Variants in STMN2 observed in about 807,000 individuals in gnomAD.
The protein encoded by STMN2 is stathmin-2.
Under a neutral mutation model 24.1 loss-of-function variants are expected in STMN2, and 2 were observed. The observed-to-expected ratio is 0.08, with a 90% CI of 0.03 to 0.26. The LOEUF is 0.26. STMN2 is among the 10% of genes least tolerant of loss of function. The pLI is 1.00. For synonymous variants in STMN2, 83 were observed against 77.5 expected, an observed-to-expected ratio of 1.07 and a Z score of -0.37; for missense variants, 114 against 213.6, an observed-to-expected ratio of 0.53 and a Z score of 2.91.
chr8:79,655,589 T>A (rs1806326410), intron 4 of STMN2, among the ~76,000 whole-genome samples: 1 of 152,070 alleles, frequency 6.6e-6, no homozygotes, highest in South Asian at 2.1e-4. Context: ...ATAGCAAAGA[T>A]TAGCTCATAG....
intron 1 of STMN2, among the ~76,000 whole-genome samples, chr8:79,625,999 A>G (rs1175407404): frequency 7.0e-6 from 1 of 143,234 alleles, no homozygotes; most frequent in Admixed American, 6.9e-5. Flanking sequence ...ATAAAGATCA[A>G]TTTGGAGAAA....
At position 79,640,223 on chromosome 8, in the gene STMN2, CT is replaced by C. The variant is rs1466753315; in HGVS notation, c.116-1153del. On this transcript the variant is annotated intron_variant, in intron 2 of 4. Transcript: ENST00000220876. ...CAATAATAAGTCTCTTGCATTTGTT[CT>C]TCCTGTTTAACTGAAATTATGTATT... Among the ~76,000 whole-genome samples the C allele has an allele frequency of 5.9e-5, 9 of 152,224 alleles. No homozygotes were observed. In the South Asian group the frequency reaches 6.2e-4, roughly 11 times the overall value.
rs73254084 is a variant in STMN2, at chr8:79,630,552, C to T, written c.20-6250C>T. ...CCCCACAAATGCGATAAACATTCTG[C>T]ATAGGAAGTGAGTTTTGCTAATTAA... On this transcript the variant is annotated intron_variant, in intron 1 of 4. Coordinates refer to ENST00000220876, the MANE Select transcript of STMN2 (RefSeq NM_007029.4). Among the ~76,000 whole-genome samples the T allele has an allele frequency of 9.3e-3, 1,412 of 152,286 alleles. 21 individuals are homozygous for T. Among genetic ancestry groups the T allele is most frequent in the African/African-American group, 0.032 (1,312 of 41,566 alleles).
At chr8:79,633,209 G>T (rs947155550) in intron 1 of STMN2, among the ~76,000 whole-genome samples, 5 of 152,176 alleles carry the variant, frequency 3.3e-5, no homozygotes, top group Admixed American at 3.3e-4. Flanking sequence ...ATTAGGATTT[G>T]CTTGGACTGT....
chr8:79,652,617 C>T (rs994372389), intron 3 of STMN2, among the ~76,000 whole-genome samples: 12 of 151,974 alleles, frequency 7.9e-5, no homozygotes, highest in Non-Finnish European at 2.9e-5. Context: ...CCATCATCTC[C>T]TTGTCACAAG....
chr8:79,642,355 G>A (rs1386009570), intron 3 of STMN2, among the ~76,000 whole-genome samples: 2 of 152,158 alleles, frequency 1.3e-5, no homozygotes, highest in African/African-American at 4.8e-5. Context: ...GTTTGAATGT[G>A]TCTGTTCCAA....
At chr8:79,659,336 G>T (rs1806447472) in intron 4 of STMN2, among the ~76,000 whole-genome samples, 2 of 152,114 alleles carry the variant, frequency 1.3e-5, no homozygotes, top group African/African-American at 4.8e-5. Context: ...TCTTAGAGTG[G>T]TATGAGAAGT....
chr8:79,626,030 A>T (rs1482892542), intron 1 of STMN2, among the ~76,000 whole-genome samples: 1 of 152,076 alleles, frequency 6.6e-6, no homozygotes, highest in African/African-American at 2.4e-5. Context: ...TTAATAAGCA[A>T]TGTCTTGCAC....
intron 1 of STMN2, among the ~76,000 whole-genome samples, chr8:79,624,409 G>A (rs1397024881): frequency 3.1e-5 from 4 of 130,128 alleles, no homozygotes; most frequent in Non-Finnish European, 3.1e-5. Flanking sequence ...AGCCGAGATT[G>A]TACCACTGCA....
intron 1 of STMN2, among the ~76,000 whole-genome samples, chr8:79,630,212 G>A (rs1364014218): frequency 2.0e-5 from 3 of 152,052 alleles, no homozygotes; most frequent in South Asian, 2.1e-4. Context: ...CAAACTTCTG[G>A]TTAATTCAAA....
Position 79,665,880 on chromosome 8 carries a change from T to C in STMN2, c.*1006T>C, listed in dbSNP as rs1468147702. On this transcript the variant is annotated 3_prime_UTR_variant, in exon 5 of 5. Coordinates refer to ENST00000220876, the MANE Select transcript of STMN2 (RefSeq NM_007029.4). ...GGACTTTCACTCAAGCTGGTCTTTC[T>C]TCCCCAGTGTAAGGCAATCCTGCCT... 1 of 152,304 alleles carries C rather than the reference T, an allele frequency of 6.6e-6. No homozygotes were observed. The highest frequency in any genetic ancestry group is 1.5e-5 in the Non-Finnish European group (1 of 68,122). The allele number at this position is 152,304 out of a possible 1,614,324, so 9.4% of individuals were successfully genotyped here.
chr8:79,613,665 A>C, intron 1 of STMN2: 1 of 985,414 alleles, frequency 1.0e-6, no homozygotes, highest in Non-Finnish European at 1.2e-6. Context: ...TCATTTGTTC[A>C]AAAGGGACGT....
At chr8:79,612,746 C>G (rs1809270754) in intron 1 of STMN2, among the ~76,000 whole-genome samples, 2 of 152,190 alleles carry the variant, frequency 1.3e-5, no homozygotes, top group African/African-American at 2.4e-5. Flanking sequence ...GGAAAGCTGC[C>G]GAAAGGACTC....
chr8:79,639,735 A>G (rs1394124358), intron 2 of STMN2, among the ~76,000 whole-genome samples: 1 of 152,192 alleles, frequency 6.6e-6, no homozygotes, highest in Non-Finnish European at 1.5e-5. Flanking sequence ...TTTGCGGTGT[A>G]TGGCATATTT....
chr8:79,664,386 A>G (rs1394385464), intron 4 of STMN2, among the ~76,000 whole-genome samples: 1 of 152,232 alleles, frequency 6.6e-6, no homozygotes, highest in Non-Finnish European at 1.5e-5. Context: ...TCAAGAGTTT[A>G]AGAAGCAGTA....
At chr8:79,633,667 G>A (rs1421304141) in intron 1 of STMN2, among the ~76,000 whole-genome samples, 1 of 152,144 alleles carries the variant, frequency 6.6e-6, no homozygotes, top group African/African-American at 2.4e-5. Context: ...TTCTTATAAG[G>A]ACACTAATCC....
intron 2 of STMN2, among the ~76,000 whole-genome samples, chr8:79,637,902 A>G (rs990844664): frequency 1.3e-5 from 2 of 152,212 alleles, no homozygotes; most frequent in Non-Finnish European, 2.9e-5. Flanking sequence ...ACTCAAAGGC[A>G]TTTACCTTCC....
chr8:79,655,133 C>G, intron 4 of STMN2, 71 bp downstream of exon 4: 2 of 1,545,922 alleles, frequency 1.3e-6, no homozygotes, highest in Non-Finnish European at 8.8e-7. Context: ...TTCCATATGC[C>G]TGAGCACAGA....
chr8:79,648,776 A>G (rs1810272353), intron 3 of STMN2, among the ~76,000 whole-genome samples: 1 of 152,158 alleles, frequency 6.6e-6, no homozygotes, highest in African/African-American at 2.4e-5. Flanking sequence ...ATTTTTAAAT[A>G]TTATAAAATA....
Sources: allele counts gnomAD v4.1 joint callset (sites outside exome capture counted in the v4.1 genomes callset), GRCh38; gene constraint gnomAD v4.1.1; transcripts MANE v1.5; gene names NCBI Gene and HGNC (gene_info 2026-07-23, HGNC 2026-07-21).